Variants in CHRNB1 observed in about 807,000 individuals in gnomAD.
CHRNB1 encodes cholinergic receptor nicotinic beta 1 subunit.
Under a neutral mutation model 53.8 loss-of-function variants are expected in CHRNB1, and 47 were observed. The ratio of observed to expected loss-of-function variants is 0.87; its 90% CI spans 0.69 to 1.11. The LOEUF (loss-of-function observed/expected upper bound fraction) is 1.11. Ranked by LOEUF, CHRNB1 falls within the 50% of genes most tolerant of loss-of-function variation. The pLI is 0.00. For synonymous variants in CHRNB1, 259 were observed against 263.5 expected (o/e 0.98, Z 0.16); for missense variants, 605 against 654.9 (o/e 0.92, Z 0.83).
chr17:7,455,650 A>G (rs527273543), intron 9 of CHRNB1, 144 bp from the exon 10 acceptor site: 9 of 1,290,806 alleles, frequency 7.0e-6, no homozygotes, highest in African/African-American at 4.4e-5. Context: ...GCACAAGGCT[A>G]GAGAGATCAC....
At chr17:7,449,079 C>A (rs1908779571) in intron 7 of CHRNB1, among the ~76,000 whole-genome samples, 1 of 151,182 alleles carries the variant, frequency 6.6e-6, no homozygotes, top group Non-Finnish European at 1.5e-5. Context: ...TCCCTGCCCA[C>A]TTTCAGACTC....
At chr17:7,452,265 C>G (rs1052981106) in intron 7 of CHRNB1, among the ~76,000 whole-genome samples, 1 of 152,000 alleles carries the variant, frequency 6.6e-6, no homozygotes, top group African/African-American at 2.4e-5. Context: ...GCTATGTTGG[C>G]CAGGCTGGTC....
At chr17:7,455,769 G>C (rs1278470965) in intron 9 of CHRNB1, 25 bp from the exon 10 acceptor site, 9 of 1,614,028 alleles carry the variant, frequency 5.6e-6, no homozygotes, top group Non-Finnish European at 6.8e-6. Flanking sequence ...TTGCGTTTGG[G>C]CGTGGCCAGT....
intron 7 of CHRNB1, among the ~76,000 whole-genome samples, chr17:7,450,612 T>C (rs773920601): frequency 6.6e-6 from 1 of 152,254 alleles, no homozygotes; most frequent in Non-Finnish European, 1.5e-5. Flanking sequence ...TTTTTCTTTT[T>C]TGAACACTTG....
intron 5 of CHRNB1, 121 bp downstream of exon 5, chr17:7,447,272 C>A: frequency 1.0e-6 from 1 of 956,790 alleles, no homozygotes; most frequent in Non-Finnish European, 1.6e-6. Flanking sequence ...TCCCCATGAC[C>A]CTCACCTCGT....
At chr17:7,455,148 T>G in intron 8 of CHRNB1, 136 bp from the exon 9 acceptor site, 1 of 997,728 alleles carries the variant, frequency 1.0e-6, no homozygotes, top group East Asian at 2.4e-5. Flanking sequence ...CATTTCCTTG[T>G]GTAGCTCGTT....
Position 7,445,137 on chromosome 17 carries a change from G to A in CHRNB1, c.10G>A (p.Gly4Arg). MTPGALLMLLGALG... is the reference protein window; with the variant it reads MTPRALLMLLGALG... The stretch of plus-strand genomic sequence containing the variant: ...AGCGAGCCGCCAGGCTATGACCCCA[G>A]GGGCTCTGCTGATGCTGCTGGGGGC... The change falls in exon 1 of 11, where the codon GGG becomes AGG. Residue 4 changes from glycine to arginine, a missense_variant. Gly to Arg is a moderately radical substitution (Grantham distance 125, BLOSUM62 -2). Coordinates refer to ENST00000306071, the MANE Select transcript of CHRNB1 (RefSeq NM_000747.3). The surrounding 1 kb of genome is among the most constrained non-coding windows in gnomAD (Gnocchi z 5.7). 2 of 1,609,036 alleles carry A rather than the reference G, an allele frequency of 1.2e-6. No homozygotes were observed. Among genetic ancestry groups the A allele is most frequent in the South Asian group, 2.2e-5 (2 of 90,870 alleles).
intron 3 of CHRNB1, chr17:7,446,418 C>T (rs1294038972): frequency 3.7e-6 from 2 of 538,276 alleles, no homozygotes; most frequent in Admixed American, 6.3e-5. Flanking sequence ...AATGCGGGGG[C>T]TCGAGCCATC....
chr17:7,447,634 T>G lies in CHRNB1; in HGVS notation c.594T>G (p.His198Gln). 2 of 1,614,206 alleles carry G rather than the reference T, an allele frequency of 1.2e-6. No individual in the cohort carries two copies. Among genetic ancestry groups the G allele is most frequent in the Non-Finnish European group, 1.7e-6 (2 of 1,180,036 alleles). The stretch of plus-strand genomic sequence containing the variant: ...AAGGGCATCAGGAAATCCACATTCA[T>G]GAAGGGACTTTCATTGGTGAGTAGG... ...DGQGHQEIHI[H>Q]EGTFIENGQW... Residue 198 changes from histidine to glutamine, a missense_variant, in exon 6 of 11, where the codon CAT (histidine) becomes CAG (glutamine). His to Gln is a conservative substitution (Grantham distance 24, BLOSUM62 0). Coordinates refer to ENST00000306071, the MANE Select transcript of CHRNB1 (RefSeq NM_000747.3).
rs1287550025 is a variant in CHRNB1 at position 7,447,032 on chromosome 17, C to A, written c.354-11C>A. On this transcript the variant is annotated splice_polypyrimidine_tract_variant and intron_variant, in intron 4 of 10. Transcript: ENST00000306071. Reference sequence around the variant, plus strand: ...CGGGGCCTGATCCCTGATGAGATCCCTTCTCTGCAGCAATGATGGGAATTT... The same window carrying A: ...CGGGGCCTGATCCCTGATGAGATCCATTCTCTGCAGCAATGATGGGAATTT... 2 of 1,613,618 alleles carry A rather than the reference C, an allele frequency of 1.2e-6. No individual in the cohort carries two copies. Among genetic ancestry groups the A allele is most frequent in the South Asian group, 2.2e-5 (2 of 91,074 alleles).
intron 7 of CHRNB1, 88 bp from the exon 8 acceptor site, chr17:7,454,209 A>T (rs1908988840): frequency 1.7e-6 from 2 of 1,148,312 alleles, no homozygotes; most frequent in South Asian, 2.5e-5. Flanking sequence ...TCTGTCTTTG[A>T]ATGGCCTGGA....
intron 10 of CHRNB1, 137 bp downstream of exon 10, chr17:7,456,078 A>C: frequency 1.5e-6 from 1 of 676,652 alleles, no homozygotes; most frequent in Non-Finnish European, 2.3e-6. Flanking sequence ...TTTTTGAGAC[A>C]GAGTCTCGCT....
chr17:7,448,812 C>G, intron 7 of CHRNB1, 24 bp downstream of exon 7: 1 of 1,608,700 alleles, frequency 6.2e-7, no homozygotes, highest in Non-Finnish European at 8.5e-7. Context: ...GGGCTCCTTA[C>G]TCTTTTGTCA....
intron 3 of CHRNB1, 67 bp from the exon 4 acceptor site, chr17:7,446,766 C>T: frequency 1.5e-6 from 2 of 1,300,340 alleles, no homozygotes; most frequent in South Asian, 2.4e-5. Flanking sequence ...TCCTGGGCTT[C>T]CTTTGGAAAT....
intron 7 of CHRNB1, among the ~76,000 whole-genome samples, chr17:7,449,202 C>A (rs887463002): frequency 6.7e-6 from 1 of 150,130 alleles, no homozygotes; most frequent in Non-Finnish European, 1.5e-5. Flanking sequence ...CTCCCGGGTT[C>A]ACGCCATTCT....
At chr17:7,456,049 CTTTTTTTTTT>C in intron 10 of CHRNB1, 108 bp downstream of exon 10, 18 of 527,562 alleles carry the variant, frequency 3.4e-5, no homozygotes, top group Non-Finnish European at 4.8e-5. Flanking sequence ...TTTTTTTTGG[CTTTTTTTTTT>C]TTTTTTTTTT....
intron 7 of CHRNB1, among the ~76,000 whole-genome samples, chr17:7,451,519 G>A (rs971166875): frequency 1.3e-5 from 2 of 151,948 alleles, no homozygotes; most frequent in African/African-American, 4.8e-5. Context: ...GACCTAAAAT[G>A]ATCCACCCGC....
At chr17:7,446,705 C>A in intron 3 of CHRNB1, 128 bp from the exon 4 acceptor site, 3 of 705,764 alleles carry the variant, frequency 4.3e-6, no homozygotes, top group South Asian at 1.6e-5. Context: ...AGAACCACGG[C>A]CCCTTGACCC....
At chr17:7,450,050 A>AATAT (rs1908828966) in intron 7 of CHRNB1, among the ~76,000 whole-genome samples, 1 of 105,948 alleles carries the variant, frequency 9.4e-6, no homozygotes. Context: ...AAAATAAATA[A>AATAT]ATAAATAAAT....
Sources: allele counts gnomAD v4.1 joint callset (sites outside exome capture counted in the v4.1 genomes callset), GRCh38; gene constraint gnomAD v4.1.1; non-coding constraint Gnocchi (gnomAD v3.1); transcripts MANE v1.5; gene names NCBI Gene and HGNC (gene_info 2026-07-23, HGNC 2026-07-21).